The following WDFY4 variants were observed in gnomAD, a reference collection of about 807,000 sequenced individuals.
WDFY4 encodes WD repeat- and FYVE domain-containing protein 4.
Under a neutral mutation model 351.9 loss-of-function variants are expected in WDFY4, and 169 were observed. That is an observed-to-expected ratio of 0.48 (90% CI 0.42 to 0.55). WDFY4 has a LOEUF of 0.55. Ranked by LOEUF, WDFY4 falls within the 20% of genes least tolerant of loss-of-function variation. The pLI is 0.00. For synonymous variants in WDFY4, 1,622 were observed against 1,574.6 expected (o/e 1.03, Z -0.71); for missense variants, 3,803 against 3,935.6 (o/e 0.97, Z 0.90).
At chr10:48,862,111 T>C (rs969085506) in intron 39 of WDFY4, among the ~76,000 whole-genome samples, 34 of 152,232 alleles carry the variant, frequency 2.2e-4, no homozygotes, top group African/African-American at 7.0e-4. Context: ...ATTTTTATGA[T>C]GGCTGCTTTA....
At chr10:48,702,098 GACC>G (rs2063495296) in intron 1 of WDFY4, among the ~76,000 whole-genome samples, 1 of 152,046 alleles carries the variant, frequency 6.6e-6, no homozygotes, top group Non-Finnish European at 1.5e-5. Flanking sequence ...ACTGTCATGT[GACC>G]ACCACCAAGT....
chr10:48,820,997 C>T (rs778756733), intron 33 of WDFY4, 65 bp from the exon 34 acceptor site: 37 of 1,128,034 alleles, frequency 3.3e-5, no homozygotes, highest in East Asian at 5.2e-5. Context: ...GCTAGGGAGG[C>T]GGTGGGCACT....
intron 19 of WDFY4, among the ~76,000 whole-genome samples, chr10:48,785,747 A>C (rs992921497): frequency 1.3e-5 from 2 of 152,180 alleles, no homozygotes; most frequent in Non-Finnish European, 2.9e-5. Flanking sequence ...CTATATAATA[A>C]GTCATTATTA....
intron 12 of WDFY4, among the ~76,000 whole-genome samples, chr10:48,749,111 C>T (rs1485949956): frequency 2.0e-5 from 3 of 152,204 alleles, no homozygotes; most frequent in African/African-American, 7.2e-5. Flanking sequence ...GTGCGCCAGA[C>T]ACCATGCTCA....
At chr10:48,855,772 G>A (rs996159531) in intron 39 of WDFY4, among the ~76,000 whole-genome samples, 1 of 151,894 alleles carries the variant, frequency 6.6e-6, no homozygotes, top group African/African-American at 2.4e-5. Context: ...AGTTATCCAT[G>A]GTTAACCATG....
At chr10:48,873,735 G>A in intron 41 of WDFY4, 38 bp downstream of exon 41, 2 of 1,545,968 alleles carry the variant, frequency 1.3e-6, no homozygotes, top group East Asian at 2.4e-5. Context: ...CTGGTTCCAG[G>A]TAGGGCCTGA....
intron 13 of WDFY4, among the ~76,000 whole-genome samples, chr10:48,762,364 C>T (rs1027608295): frequency 1.3e-5 from 2 of 152,218 alleles, no homozygotes; most frequent in African/African-American, 4.8e-5. Context: ...ACTTCTTGTT[C>T]CTGCTCCTGT....
intron 47 of WDFY4, 27 bp from the exon 48 acceptor site, chr10:48,941,779 T>C (rs1466852480): frequency 6.4e-7 from 1 of 1,551,538 alleles, no homozygotes; most frequent in African/African-American, 1.4e-5. Context: ...GTATATTTAG[T>C]CACCACCTTG....
intron 26 of WDFY4, 30 bp downstream of exon 26, chr10:48,805,451 G>A: frequency 1.3e-6 from 2 of 1,543,540 alleles, no homozygotes; most frequent in Non-Finnish European, 8.7e-7. Context: ...AGGGGGAAGA[G>A]CAGGGCCCCA....
At chr10:48,844,541 G>A (rs367728642) in intron 39 of WDFY4, among the ~76,000 whole-genome samples, 19 of 152,182 alleles carry the variant, frequency 1.2e-4, no homozygotes, top group East Asian at 9.7e-4. Context: ...GCAGTGAGCC[G>A]AGATTGAGCC....
chr10:48,693,205 G>A (rs376898480), intron 1 of WDFY4, among the ~76,000 whole-genome samples: 3 of 152,200 alleles, frequency 2.0e-5, no homozygotes, highest in African/African-American at 4.8e-5. Flanking sequence ...GAGCTGCGGA[G>A]GACGTTTGCT....
intron 60 of WDFY4, chr10:48,978,710 C>A: frequency 3.8e-6 from 1 of 260,342 alleles, no homozygotes; most frequent in Non-Finnish European, 7.3e-6. Context: ...GCATCACATC[C>A]ATCACAGCTG....
chr10:48,959,630 A>G, intron 52 of WDFY4, 92 bp from the exon 53 acceptor site: 1 of 1,187,996 alleles, frequency 8.4e-7, no homozygotes, highest in Non-Finnish European at 1.2e-6. Context: ...CCTACACAAA[A>G]TCAGCAATCC....
At chr10:48,802,093 G>C (rs754293505) in intron 24 of WDFY4, among the ~76,000 whole-genome samples, 1 of 151,928 alleles carries the variant, frequency 6.6e-6, no homozygotes, top group Non-Finnish European at 1.5e-5. Flanking sequence ...GCAGATAATA[G>C]GCCGGGTACG....
chr10:48,776,689 C>A, intron 15 of WDFY4, 61 bp from the exon 16 acceptor site: 2 of 1,401,758 alleles, frequency 1.4e-6, no homozygotes, highest in South Asian at 2.9e-5. Context: ...GGGTTATTGT[C>A]AGAAGCGAGA....
In WDFY4 at chr10:48,727,777, C is replaced by T. The variant is rs753007187; in HGVS notation, c.971+118C>T. 168 of 1,291,642 alleles carry T rather than the reference C, an allele frequency of 1.3e-4. 1 individual carries two copies. The highest frequency in any genetic ancestry group is 4.5e-4 in the African/African-American group (30 of 66,838). The allele number at this position is 1,291,642 out of a possible 1,614,324, so 80.0% of individuals were successfully genotyped here. A position where few individuals can be genotyped will look rare whatever the true frequency, so the allele number is the denominator to read the frequency against. ...GCTCCATAGAACATGGCCAGAGAGA[C>T]CTCTTATTTGCAAAAGTGATTCATT... On this transcript the variant is annotated intron_variant, in intron 7 of 61. Coordinates refer to ENST00000325239, the MANE Select transcript of WDFY4 (RefSeq NM_001394531.1).
chr10:48,743,399 G>T lies in WDFY4; in HGVS notation c.2310G>T (p.Leu770=). ...IQSCLQILGF[L]DSMASGTLHL... is the part of the protein sequence containing the mutation. ...GCTGCCTCCAGATCCTTGGCTTTCT[G>T]GACAGCATGGCCAGCGGCACCCTCC... Residue 770 remains leucine, a synonymous_variant, in exon 12 of 62, where the codon CTG becomes CTT. Transcript: ENST00000325239. The T allele has an allele frequency of 6.4e-7, 1 of 1,551,578 alleles. No individual in the cohort carries two copies. Among genetic ancestry groups the T allele is most frequent in the Non-Finnish European group, 8.7e-7 (1 of 1,146,994 alleles).
intron 12 of WDFY4, among the ~76,000 whole-genome samples, chr10:48,753,126 T>G (rs2065234120): frequency 1.3e-5 from 2 of 152,232 alleles, no homozygotes; most frequent in South Asian, 4.1e-4. Context: ...CTAATAATGT[T>G]GAATTTTTTT....
chr10:48,713,776 A>T (rs570789052), intron 2 of WDFY4, among the ~76,000 whole-genome samples: 1 of 152,320 alleles, frequency 6.6e-6, no homozygotes, highest in African/African-American at 2.4e-5. Flanking sequence ...CTAGGGTCAG[A>T]TCCTTCCAAC....
Sources: allele counts gnomAD v4.1 joint callset (sites outside exome capture counted in the v4.1 genomes callset), GRCh38; gene constraint gnomAD v4.1.1; transcripts MANE v1.5; gene names NCBI Gene and HGNC (gene_info 2026-07-23, HGNC 2026-07-21).